NECAB2: variants seen among roughly 807,000 people sequenced by gnomAD.
NECAB2 encodes N-terminal EF-hand calcium-binding protein 2.
In NECAB2, 68 loss-of-function variants were observed where a neutral mutation model predicts 51.9. That is an observed-to-expected ratio of 1.31 (90% CI 1.08 to 1.60). The LOEUF (loss-of-function observed/expected upper bound fraction) is 1.60, where lower values mean the gene tolerates loss of function less well. Ranked by LOEUF, NECAB2 falls within the 40% of genes most tolerant of loss-of-function variation. The probability of loss-of-function intolerance (pLI) is 0.00; values close to 1 mark genes in which losing one functional copy is unlikely to be tolerated. For missense variants in NECAB2, 854 were observed against 490.3 expected (o/e 1.74, Z -7.00); for synonymous variants, 329 against 203.5 (o/e 1.62, Z -5.25).
rs543599343 is a variant in NECAB2 at position 83,969,978 on chromosome 16, C to T, written c.201+1129C>T. Reference sequence around the variant, plus strand: ...AGGGGGAGCTCTAGAGTGCCACACTCGCAGGCACACATTCACACACTCACG... The same window carrying T: ...AGGGGGAGCTCTAGAGTGCCACACTTGCAGGCACACATTCACACACTCACG... On this transcript the variant is annotated intron_variant, in intron 1 of 12. Coordinates refer to ENST00000305202, the MANE Select transcript of NECAB2 (RefSeq NM_019065.3). 2.5e-4 allele frequency among the ~76,000 whole-genome samples: 38 copies of T among 152,288 alleles called. 1 individual carries two copies. Among genetic ancestry groups the T allele is most frequent in the Middle Eastern group, 3.4e-3 (1 of 294 alleles).
intron 2 of NECAB2, among the ~76,000 whole-genome samples, chr16:83,974,124 A>G (rs189883675): frequency 1.2e-4 from 18 of 151,986 alleles, no homozygotes; most frequent in Admixed American, 1.2e-3. Flanking sequence ...TGGGGCTTAC[A>G]TCTTACCAGC....
At chr16:83,965,650 C>T (rs1194332568), upstream of NECAB2, 3 of 1,613,306 alleles carry the variant, frequency 1.9e-6, no homozygotes, top group Non-Finnish European at 1.7e-6. Context: ...AGGGTTACCG[C>T]AGCCTCCCCA....
intron 6 of NECAB2, chr16:83,993,321 C>G (rs559362444): frequency 2.0e-5 from 3 of 152,362 alleles, no homozygotes; most frequent in South Asian, 2.1e-4. Flanking sequence ...CATAAAGACT[C>G]TGCCAGCCTC....
intron 10 of NECAB2, among the ~76,000 whole-genome samples, chr16:83,998,887 C>G (rs923631776): frequency 2.0e-5 from 3 of 152,198 alleles, no homozygotes; most frequent in African/African-American, 4.8e-5. Context: ...TGATGTAGCT[C>G]CTTGGTAAAG....
In NECAB2 at chr16:83,997,267, A is replaced by G. The variant is rs761620858; in HGVS notation, c.847A>G (p.Met283Val). 3.4e-5 allele frequency: 55 copies of G among 1,613,954 alleles called. No individual in the cohort carries two copies. The highest frequency in any genetic ancestry group is 1.0e-4 in the Admixed American group (6 of 59,992). ...CCTGTCAGATGAAGATGGCACCAAC[A>G]TGGTGAGGCCCCTTCCCACCTCTCT... Reference protein sequence around the residue: ...QRLSDEDGTNMHLQLVRQEMA... With the variant: ...QRLSDEDGTNVHLQLVRQEMA... Residue 283 changes from methionine to valine, a missense_variant and splice_region_variant, in exon 9 of 13, where the codon ATG (methionine) becomes GTG (valine). By Grantham distance (21) the Met-to-Val change is conservative (BLOSUM62 1). Coordinates refer to ENST00000305202, the MANE Select transcript of NECAB2 (RefSeq NM_019065.3).
intron 10 of NECAB2, among the ~76,000 whole-genome samples, chr16:83,999,860 T>TTTGA (rs987824210): frequency 6.9e-6 from 1 of 145,228 alleles, no homozygotes; most frequent in Non-Finnish European, 1.5e-5. Flanking sequence ...GGGAAGATGC[T>TTTGA]TTGATTTTTA....
chr16:83,994,228 G>A lies in NECAB2; in HGVS notation c.597-74G>A, dbSNP rs535631596. On this transcript the variant is annotated intron_variant, in intron 6 of 12. Coordinates refer to ENST00000305202, the MANE Select transcript of NECAB2 (RefSeq NM_019065.3). ...CCACTGTCTTGCGTAATAAATGCCT[G>A]TGGAAGATGCTGGAAGTGGTAAGGG... The A allele has an allele frequency of 4.0e-5, 53 of 1,340,792 alleles. No homozygotes were observed. In the African/African-American group the frequency reaches 6.8e-4, roughly 17 times the overall value. 83.1% of individuals were successfully genotyped at this position (1,340,792 alleles called of 1,614,324 possible). A position where few individuals can be genotyped will look rare whatever the true frequency, so the allele number is the denominator to read the frequency against.
chr16:83,976,421 G>A (rs1212595256), intron 2 of NECAB2, among the ~76,000 whole-genome samples: 3 of 152,208 alleles, frequency 2.0e-5, no homozygotes, highest in Non-Finnish European at 2.9e-5. Context: ...GACTAAAGGA[G>A]TGAGTCCGTG....
At chr16:83,985,269 C>A (rs1376207936) in intron 5 of NECAB2, among the ~76,000 whole-genome samples, 2 of 120,120 alleles carry the variant, frequency 1.7e-5, no homozygotes, top group Admixed American at 1.1e-4. Context: ...GTAGAGACTG[C>A]GCCATTGCAC....
At chr16:83,993,229 C>T (rs942036471) in intron 6 of NECAB2, among the ~76,000 whole-genome samples, 1 of 152,204 alleles carries the variant, frequency 6.6e-6, no homozygotes, top group East Asian at 1.9e-4. Context: ...GACCCCACCA[C>T]CCGGGAGCCC....
At chr16:83,976,522 C>CCG (rs2084413069) in intron 2 of NECAB2, among the ~76,000 whole-genome samples, 1 of 152,128 alleles carries the variant, frequency 6.6e-6, no homozygotes, top group African/African-American at 2.4e-5. Context: ...CATCCTCTGT[C>CCG]ACAGAACACA....
In NECAB2 at chr16:83,981,075, C is replaced by T; in HGVS notation, c.407C>T (p.Ser136Phe). ...GGTGACTATGAGGATGTCCTGGCCT[C>T]CCTGGAGACCTTGAATCACTCTGTC... ...HMGDYEDVLA[S>F]LETLNHSVLK... Residue 136 changes from serine to phenylalanine, a missense_variant, in exon 5 of 13, where the codon TCC (serine) becomes TTC (phenylalanine). Coordinates refer to ENST00000305202, the MANE Select transcript of NECAB2 (RefSeq NM_019065.3). 4 of 1,614,152 alleles carry T rather than the reference C, an allele frequency of 2.5e-6. No homozygotes were observed. Among genetic ancestry groups the T allele is most frequent in the Non-Finnish European group, 2.5e-6 (3 of 1,180,026 alleles).
chr16:83,984,329 C>T (rs111585282), intron 5 of NECAB2, among the ~76,000 whole-genome samples: 266 of 151,908 alleles, frequency 1.8e-3, no homozygotes, highest in African/African-American at 6.0e-3. Context: ...TGGGCATAGT[C>T]GTTTTTACAA....
rs533651918 is a variant in NECAB2, at chr16:83,977,403, G to A, written c.227-1041G>A. 1.5e-3 allele frequency among the ~76,000 whole-genome samples: 227 copies of A among 152,238 alleles called. 1 individual carries two copies. Among genetic ancestry groups the A allele is most frequent in the Admixed American group, 6.4e-3 (98 of 15,290 alleles). On this transcript the variant is annotated intron_variant, in intron 2 of 12. Transcript: ENST00000305202. ...AGCTGAGGGTGGAAGCTTAGGGACC[G>A]CCTCCCAGAGTCCCTGATGTTCTTA... is the stretch of plus-strand genomic sequence containing the variant.
At chr16:83,977,028 C>G (rs1050636346) in intron 2 of NECAB2, among the ~76,000 whole-genome samples, 21 of 152,248 alleles carry the variant, frequency 1.4e-4, no homozygotes, top group African/African-American at 4.3e-4. Flanking sequence ...GGTTTCAAAT[C>G]CAGGCTGCAA....
intron 6 of NECAB2, among the ~76,000 whole-genome samples, chr16:83,993,088 A>G (rs2084647032): frequency 6.6e-6 from 1 of 152,050 alleles, no homozygotes; most frequent in Admixed American, 6.6e-5. Context: ...TGTTCCACAC[A>G]TGCCCCTCCC....
chr16:83,982,997 T>G (rs572328669), intron 5 of NECAB2, among the ~76,000 whole-genome samples: 1 of 151,782 alleles, frequency 6.6e-6, no homozygotes, highest in African/African-American at 2.4e-5. Flanking sequence ...GCCTCCCGAG[T>G]AGCTGGGACT....
At chr16:83,991,994 A>G (rs555782915) in intron 6 of NECAB2, among the ~76,000 whole-genome samples, 1 of 152,292 alleles carries the variant, frequency 6.6e-6, no homozygotes, top group Admixed American at 6.5e-5. Flanking sequence ...GAAATGGCAT[A>G]TGGTTATAAC....
At chr16:83,977,552 A>G (rs2084428185) in intron 2 of NECAB2, among the ~76,000 whole-genome samples, 1 of 152,018 alleles carries the variant, frequency 6.6e-6, no homozygotes. Context: ...GACTGGTGGC[A>G]TGTGTCCCAC....
Sources: gnomAD v4.1 joint callset for allele counts (sites outside exome capture counted in the v4.1 genomes callset) on GRCh38, gnomAD v4.1.1 for gene constraint, MANE v1.5 for transcripts, NCBI Gene and HGNC (gene_info 2026-07-23, HGNC 2026-07-21) for gene names.